NECTIN3: variants seen among roughly 807,000 people sequenced by gnomAD.
The protein encoded by NECTIN3 is nectin cell adhesion molecule 3.
Under a neutral mutation model 49.4 loss-of-function variants are expected in NECTIN3, and 8 were observed. The observed-to-expected ratio is 0.16, with a 90% CI of 0.10 to 0.29. The LOEUF is 0.29. Among genes scored for constraint, NECTIN3 ranks in the 10% least tolerant of loss-of-function variants. NECTIN3 has a pLI of 1.00. For missense variants in NECTIN3, 581 were observed against 654.6 expected (o/e 0.89, Z 1.23); for synonymous variants, 277 against 241.1 (o/e 1.15, Z -1.38).
Position 111,122,175 on chromosome 3 carries a change from A to G in NECTIN3, c.854A>G (p.Lys285Arg). 6.2e-7 allele frequency: 1 copy of G among 1,613,694 alleles called. No individual in the cohort carries two copies. ...GYDGNWFVGR[K>R]GVNLKCNADA... ...GATGGAAATTGGTTTGTAGGAAGAA[A>G]AGGTGTTAATCTCAAATGTAATGCT... The change falls in exon 4 of 6, where the codon AAA becomes AGA. Residue 285 changes from lysine to arginine, a missense_variant. By Grantham distance (26) the Lys-to-Arg change is conservative. This residue lies in a region of NECTIN3 where 234 missense variants were observed against 340.6 expected (regional missense o/e 0.69). Coordinates refer to ENST00000485303, the MANE Select transcript of NECTIN3 (RefSeq NM_015480.3).
intron 7 of NECTIN3, among the ~76,000 whole-genome samples, chr3:111,173,001 C>A (rs1197131504): frequency 6.6e-6 from 1 of 152,140 alleles, no homozygotes; most frequent in Non-Finnish European, 1.5e-5. Flanking sequence ...TTCCTCCAAG[C>A]AACTTTCATA....
rs1241791481 is a variant in NECTIN3, at chr3:111,135,019, A to C, written c.*804A>C. The C allele has an allele frequency of 5.2e-5, 51 of 980,010 alleles. No homozygotes were observed. Among genetic ancestry groups the C allele is most frequent in the Non-Finnish European group, 6.1e-5 (50 of 825,356 alleles). The allele number at this position is 980,010 out of a possible 1,614,324, so 60.7% of individuals were successfully genotyped here. On this transcript the variant is annotated 3_prime_UTR_variant, in exon 6 of 6. Coordinates refer to ENST00000485303, the MANE Select transcript of NECTIN3 (RefSeq NM_015480.3). Reference sequence around the variant, plus strand: ...GGAACATGGATTTTGGTACATTAGCAGTAGCCTTATTTTAATGCTTTATGT... The same window carrying C: ...GGAACATGGATTTTGGTACATTAGCCGTAGCCTTATTTTAATGCTTTATGT...
At chr3:111,163,708 GAATT>G (rs1277380823) in intron 7 of NECTIN3, among the ~76,000 whole-genome samples, 2 of 152,236 alleles carry the variant, frequency 1.3e-5, no homozygotes, top group East Asian at 3.9e-4. Flanking sequence ...TAATAGGAAA[GAATT>G]AATTAAGGAA....
At chr3:111,128,199 T>C (rs1219924944) in intron 5 of NECTIN3, among the ~76,000 whole-genome samples, 2 of 151,578 alleles carry the variant, frequency 1.3e-5, no homozygotes, top group African/African-American at 2.4e-5. Flanking sequence ...TTAGCCGGCA[T>C]GGTGGTATGC....
chr3:111,154,687 G>T (rs905832559), intron 7 of NECTIN3, among the ~76,000 whole-genome samples: 4 of 152,100 alleles, frequency 2.6e-5, no homozygotes, highest in South Asian at 4.1e-4. Context: ...TATTCTAATA[G>T]TTGTGTGGTT....
chr3:111,093,954 A>G (rs1045280365), intron 1 of NECTIN3, among the ~76,000 whole-genome samples: 11 of 152,112 alleles, frequency 7.2e-5, no homozygotes, highest in African/African-American at 2.2e-4. Flanking sequence ...TGAAACACTT[A>G]CTCTGTAGAT....
rs997100112 is a variant in NECTIN3, at chr3:111,172,604, T to C, written c.1222-19747T>C. On this transcript the variant is annotated intron_variant, in intron 7 of 8. Coordinates refer to the NECTIN3 transcript ENST00000493615. ...TTAATAGAAGGGAAGAAAAGGAAAGTGGGTCCTAAAGTTGAATTATTGAAC... is the reference window on the plus strand; with the variant it reads ...TTAATAGAAGGGAAGAAAAGGAAAGCGGGTCCTAAAGTTGAATTATTGAAC... Among the ~76,000 whole-genome samples the C allele has an allele frequency of 3.3e-5, 5 of 152,266 alleles. No individual in the cohort carries two copies. In the East Asian group the frequency reaches 5.8e-4, roughly 18 times the overall value.
intron 1 of NECTIN3, among the ~76,000 whole-genome samples, chr3:111,090,164 A>G (rs1165170567): frequency 1.3e-5 from 2 of 152,104 alleles, no homozygotes; most frequent in South Asian, 2.1e-4. Context: ...TAAGCAGCAG[A>G]TATATTTTAG....
At chr3:111,085,888 G>A (rs2031893669) in intron 1 of NECTIN3, among the ~76,000 whole-genome samples, 1 of 151,964 alleles carries the variant, frequency 6.6e-6, no homozygotes, top group Admixed American at 6.6e-5. Context: ...ATTTTTGTTG[G>A]AATAATTTTC....
chr3:111,111,578 C>G (rs56324569), intron 1 of NECTIN3, among the ~76,000 whole-genome samples: 4,863 of 152,198 alleles, frequency 0.032, 88 homozygotes, highest in Middle Eastern at 0.058. Context: ...TTTATTATCT[C>G]TCAGTTTCTG....
At chr3:111,084,240 T>C (rs1295898286) in intron 1 of NECTIN3, among the ~76,000 whole-genome samples, 1 of 151,322 alleles carries the variant, frequency 6.6e-6, no homozygotes, top group Non-Finnish European at 1.5e-5. Flanking sequence ...TGATAAACTT[T>C]TAGAATGAGT....
At chr3:111,118,284 T>TATATATATATATATATATATA (rs1559789405) in intron 2 of NECTIN3, among the ~76,000 whole-genome samples, 4 of 49,534 alleles carry the variant, frequency 8.1e-5, no homozygotes, top group Admixed American at 2.3e-4. Flanking sequence ...ATATATATAT[T>TATATATATATATATATATATA]ATACATATAT....
Position 111,072,083 on chromosome 3 carries a change from T to A in NECTIN3, c.66T>A (p.Ala22=). The change falls in exon 1 of 6, where the codon GCT becomes GCA. Residue 22 remains alanine (A), a synonymous_variant. Transcript: ENST00000485303. ...GCGGCAAAGCACAACTTTCCTCCGC[T>A]TCTCTCCTCGGAGCCGGGCTCCTGC... ...PGGGKAQLSS[A]SLLGAGLLLQ... 1 of 1,549,378 alleles carries A rather than the reference T, an allele frequency of 6.5e-7. No homozygotes were observed. The highest frequency in any genetic ancestry group is 8.7e-7 in the Non-Finnish European group (1 of 1,146,072).
intron 1 of NECTIN3, among the ~76,000 whole-genome samples, chr3:111,082,308 G>A (rs1165463904): frequency 1.3e-5 from 2 of 152,138 alleles, no homozygotes; most frequent in Admixed American, 1.3e-4. Context: ...GGTAGGTTGT[G>A]AAACTGGGAA....
chr3:111,083,142 A>G (rs980577971), intron 1 of NECTIN3, among the ~76,000 whole-genome samples: 1 of 152,200 alleles, frequency 6.6e-6, no homozygotes, highest in African/African-American at 2.4e-5. Context: ...CTGACAGGCC[A>G]CAGACTCGTA....
intron 1 of NECTIN3, 102 bp from the exon 2 acceptor site, chr3:111,111,928 T>A: frequency 3.3e-6 from 2 of 604,922 alleles, no homozygotes. Context: ...TGTGTGTGTG[T>A]GTGTGTAGCT....
chr3:111,187,270 G>A (rs2035738033), intron 7 of NECTIN3, among the ~76,000 whole-genome samples: 1 of 152,200 alleles, frequency 6.6e-6, no homozygotes, highest in African/African-American at 2.4e-5. Context: ...AGGCATGGTG[G>A]TGTGTGCCTG....
chr3:111,159,204 A>G (rs549673970), intron 7 of NECTIN3, among the ~76,000 whole-genome samples: 1 of 152,214 alleles, frequency 6.6e-6, no homozygotes, highest in East Asian at 1.9e-4. Flanking sequence ...GTAGATTTAT[A>G]TTTTATTGTT....
chr3:111,081,438 C>T (rs1337688862), intron 1 of NECTIN3, among the ~76,000 whole-genome samples: 1 of 152,158 alleles, frequency 6.6e-6, no homozygotes, highest in Non-Finnish European at 1.5e-5. Context: ...ATGTCTTTCT[C>T]TGTGTATGTG....
Sources: allele counts gnomAD v4.1 joint callset (sites outside exome capture counted in the v4.1 genomes callset), GRCh38; gene constraint gnomAD v4.1.1; regional missense constraint gnomAD v4.1.1; transcripts MANE v1.5; gene names NCBI Gene and HGNC (gene_info 2026-07-23, HGNC 2026-07-21).